Variants in BCAS2 observed in about 807,000 individuals in gnomAD.
The protein encoded by BCAS2 is pre-mRNA-splicing factor SPF27.
In BCAS2, 34 loss-of-function variants were observed where a neutral mutation model predicts 35.3. The ratio of observed to expected loss-of-function variants is 0.96; its 90% CI spans 0.73 to 1.28. The LOEUF is 1.28. Ranked by LOEUF, BCAS2 falls within the 50% of genes most tolerant of loss-of-function variation. The pLI, the probability that BCAS2 is intolerant of heterozygous loss-of-function variation, is 0.00. For missense variants in BCAS2, 221 were observed against 268.1 expected (o/e 0.82, Z 1.23); for synonymous variants, 75 against 91.6 (o/e 0.82, Z 1.03).
At chr1:114,580,980 C>T (rs963845061) in intron 2 of BCAS2, among the ~76,000 whole-genome samples, 6 of 152,188 alleles carry the variant, frequency 3.9e-5, no homozygotes, top group Non-Finnish European at 2.9e-5. Flanking sequence ...TTAAAAAACC[C>T]TAGATCACTT....
chr1:114,574,641 T>A (rs1008041521), intron 4 of BCAS2, among the ~76,000 whole-genome samples: 1 of 152,218 alleles, frequency 6.6e-6, no homozygotes, highest in Non-Finnish European at 1.5e-5. Context: ...CAACGCTTGA[T>A]AACATTCTAT....
intron 2 of BCAS2, 129 bp from the exon 3 acceptor site, chr1:114,576,887 T>C (rs1339466669): frequency 3.2e-6 from 2 of 628,134 alleles, no homozygotes; most frequent in Non-Finnish European, 5.5e-6. Context: ...AATTCTTCTC[T>C]GAGTTAAATG....
At chr1:114,572,210 T>C (rs565329769) in intron 4 of BCAS2, among the ~76,000 whole-genome samples, 1 of 152,356 alleles carries the variant, frequency 6.6e-6, no homozygotes, top group African/African-American at 2.4e-5. Flanking sequence ...ACTGGTTTCC[T>C]TGCATTAGCT....
At position 114,573,149 on chromosome 1, in the gene BCAS2, A is replaced by C. The variant is rs1006277271; in HGVS notation, c.420-2399T>G. Among the ~76,000 whole-genome samples, 8 of 133,482 alleles carry C rather than the reference A, an allele frequency of 6.0e-5. No homozygotes were observed. In the East Asian group the frequency reaches 9.1e-4, roughly 15 times the overall value. The allele number at this position is 133,482 out of a possible 152,430, so 87.6% of individuals were successfully genotyped here. On this transcript the variant is annotated intron_variant, in intron 4 of 6. Transcript: ENST00000369541. Reference sequence around the variant, plus strand: ...AAAAAAAAAAAAAAAAAAAAAAAAAAAACTTGGCCTCTACCTTGCAGGTAA... The same window carrying C: ...AAAAAAAAAAAAAAAAAAAAAAAAACAACTTGGCCTCTACCTTGCAGGTAA...
intron 4 of BCAS2, among the ~76,000 whole-genome samples, chr1:114,573,177 G>C (rs1291268376): frequency 7.1e-6 from 1 of 140,440 alleles, no homozygotes; most frequent in Non-Finnish European, 1.5e-5. Context: ...GCAGGTAATA[G>C]GGAATTATTA....
In BCAS2 at chr1:114,575,705, C is replaced by A. The variant is rs1654746207; in HGVS notation, c.304G>T (p.Ala102Ser). 1 of 1,613,088 alleles carries A rather than the reference C, an allele frequency of 6.2e-7. No homozygotes were observed. The highest frequency in any genetic ancestry group is 8.5e-7 in the Non-Finnish European group (1 of 1,179,824). Residue 102 changes from alanine (A) to serine (S), a missense_variant, in exon 4 of 7, where the codon GCA becomes TCA. Transcript: ENST00000369541. ...GAATTGTTTACACATTCTTGCCATGCAGTAATGTCATTTTTTTGACCAGAG... is the reference window on the plus strand; with the variant it reads ...GAATTGTTTACACATTCTTGCCATGAAGTAATGTCATTTTTTTGACCAGAG... ...PSSGQKNDITAWQECVNNSMA... is the reference protein window; with the variant it reads ...PSSGQKNDITSWQECVNNSMA...
chr1:114,577,353 A>T (rs1278265023), intron 2 of BCAS2, among the ~76,000 whole-genome samples: 1 of 151,896 alleles, frequency 6.6e-6, no homozygotes. Flanking sequence ...CCAGAAATCC[A>T]AGAAATAATT....
intron 6 of BCAS2, among the ~76,000 whole-genome samples, chr1:114,568,539 G>A (rs766860971): frequency 1.3e-5 from 2 of 151,728 alleles, no homozygotes; most frequent in South Asian, 2.1e-4. Context: ...CTACTTTTTT[G>A]TATTTTTAGT....
chr1:114,580,701 T>C (rs938324188), intron 2 of BCAS2, among the ~76,000 whole-genome samples: 1 of 152,184 alleles, frequency 6.6e-6, no homozygotes, highest in African/African-American at 2.4e-5. Context: ...AGAAACCCCA[T>C]ATATCTCTAT....
rs546369155 is a variant in BCAS2, at chr1:114,574,072, G to T, written c.419+1518C>A. Reference sequence around the variant, plus strand: ...GCAGATAATCTAACCACGGAATTTTGCAAGCAAGGAATCTGAATTCTAGAT... The same window carrying T: ...GCAGATAATCTAACCACGGAATTTTTCAAGCAAGGAATCTGAATTCTAGAT... On this transcript the variant is annotated intron_variant, in intron 4 of 6. Transcript: ENST00000369541. Among the ~76,000 whole-genome samples the T allele has an allele frequency of 4.6e-5, 7 of 152,280 alleles. No individual in the cohort carries two copies. In the South Asian group the frequency reaches 1.4e-3, roughly 32 times the overall value.
At chr1:114,571,202 G>A (rs573717337) in intron 4 of BCAS2, among the ~76,000 whole-genome samples, 1 of 152,066 alleles carries the variant, frequency 6.6e-6, no homozygotes, top group South Asian at 2.1e-4. Context: ...TTACAGGCAT[G>A]TACTGCCATG....
Position 114,570,725 on chromosome 1 carries a change from C to T in BCAS2, c.445G>A (p.Ala149Thr), listed in dbSNP as rs767359809. 17 of 1,591,418 alleles carry T rather than the reference C, an allele frequency of 1.1e-5. No homozygotes were observed. Among genetic ancestry groups the T allele is most frequent in the East Asian group, 4.5e-5 (2 of 44,610 alleles). Residue 149 changes from alanine to threonine, a missense_variant, in exon 5 of 7, where the codon GCA (alanine) becomes ACA (threonine). Ala to Thr is a moderately conservative substitution (Grantham distance 58). Coordinates refer to ENST00000369541, the MANE Select transcript of BCAS2 (RefSeq NM_005872.3). The stretch of plus-strand genomic sequence containing the variant: ...CTTAACTTCTGAAGTTCCTTCTGTG[C>T]GTGTTCAATCATATGAACTAGATTT... Reference protein sequence around the residue: ...NENLVHMIEHAQKELQKLRKH... With the variant: ...NENLVHMIEHTQKELQKLRKH...
chr1:114,567,897 T>C lies in BCAS2; in HGVS notation c.*233A>G. 2 of 434,904 alleles carry C rather than the reference T, an allele frequency of 4.6e-6. No individual in the cohort carries two copies. The highest frequency in any genetic ancestry group is 8.0e-6 in the Non-Finnish European group (2 of 250,910). The allele number at this position is 434,904 out of a possible 1,614,324, so 26.9% of individuals were successfully genotyped here. On this transcript the variant is annotated 3_prime_UTR_variant, in exon 7 of 7. Coordinates refer to ENST00000369541, the MANE Select transcript of BCAS2 (RefSeq NM_005872.3). ...CAATATTATTCTAAAGTCATCCTTA[T>C]TTTGAAAGCCTAAAGATTTTCTTTT... is the stretch of plus-strand genomic sequence containing the variant.
intron 6 of BCAS2, 47 bp from the exon 7 acceptor site, chr1:114,568,303 T>C: frequency 6.3e-7 from 1 of 1,584,800 alleles, no homozygotes; most frequent in Non-Finnish European, 8.6e-7. Context: ...ATGTAAAACT[T>C]CTCTTAGAAG....
chr1:114,568,939 A>AT (rs748083382), intron 6 of BCAS2, among the ~76,000 whole-genome samples: 10 of 150,266 alleles, frequency 6.7e-5, no homozygotes, highest in African/African-American at 2.2e-4. Context: ...ATTTAAAAGC[A>AT]TTTTTTTGTA....
At position 114,581,416 on chromosome 1, in the gene BCAS2, G is replaced by A. The variant is rs902401529; in HGVS notation, c.94-25C>T. The A allele has an allele frequency of 8.1e-6, 13 of 1,613,930 alleles. No homozygotes were observed. In the Admixed American group the frequency reaches 1.8e-4, roughly 23 times the overall value. ...CCTAAGAAAGAGAATAGGGACCAGG[G>A]TAGAAGTGGCAAATTGTAACATGTT... On this transcript the variant is annotated intron_variant, in intron 1 of 6. Coordinates refer to ENST00000369541, the MANE Select transcript of BCAS2 (RefSeq NM_005872.3).
Position 114,568,125 on chromosome 1 carries a change from T to C in BCAS2, c.*5A>G, listed in dbSNP as rs1654561972. On this transcript the variant is annotated 3_prime_UTR_variant, in exon 7 of 7. Coordinates refer to ENST00000369541, the MANE Select transcript of BCAS2 (RefSeq NM_005872.3). ...AACTTTTCTTCTACCTGCTAAATTG[T>C]CTTTTCAGAAGTCTTGCCGGATGTT... The C allele has an allele frequency of 6.2e-7, 1 of 1,612,130 alleles. No individual in the cohort carries two copies. The highest frequency in any genetic ancestry group is 1.3e-5 in the African/African-American group (1 of 74,974).
At chr1:114,571,810 A>C (rs568711310) in intron 4 of BCAS2, among the ~76,000 whole-genome samples, 1 of 152,262 alleles carries the variant, frequency 6.6e-6, no homozygotes, top group Admixed American at 6.5e-5. Context: ...CTAACTAGAG[A>C]GAGGTGAGAA....
At chr1:114,576,631 C>A in intron 3 of BCAS2, 57 bp downstream of exon 3, 1 of 1,381,058 alleles carries the variant, frequency 7.2e-7, no homozygotes, top group South Asian at 1.2e-5. Context: ...TCACAAATCT[C>A]AGCTCATTAC....
Sources: gnomAD v4.1 joint callset for allele counts (sites outside exome capture counted in the v4.1 genomes callset) on GRCh38, gnomAD v4.1.1 for gene constraint, MANE v1.5 for transcripts, NCBI Gene and HGNC (gene_info 2026-07-23, HGNC 2026-07-21) for gene names.